Variants in PTPRT observed in about 807,000 individuals in gnomAD.
The protein encoded by PTPRT is protein tyrosine phosphatase receptor type T.
In PTPRT, 56 loss-of-function variants were observed where a neutral mutation model predicts 176.8. The ratio of observed to expected loss-of-function variants is 0.32; its 90% CI spans 0.26 to 0.40. The LOEUF (loss-of-function observed/expected upper bound fraction) is 0.40. Among genes scored for constraint, PTPRT ranks in the 10% least tolerant of loss-of-function variants. The pLI, the probability that PTPRT is intolerant of heterozygous loss-of-function variation, is 1.00. For synonymous variants in PTPRT, 783 were observed against 739.0 expected (o/e 1.06, Z -0.96); for missense variants, 1,540 against 1,908.2 (o/e 0.81, Z 3.60).
chr20:42,276,750 A>G (rs951874045), intron 13 of PTPRT, among the ~76,000 whole-genome samples: 1 of 150,966 alleles, frequency 6.6e-6, no homozygotes, highest in African/African-American at 2.4e-5. Context: ...ATAAAACAGA[A>G]TCTTCCACAT....
chr20:42,600,339 C>T (rs2073755712), intron 7 of PTPRT, among the ~76,000 whole-genome samples: 1 of 152,110 alleles, frequency 6.6e-6, no homozygotes, highest in Admixed American at 6.6e-5. Flanking sequence ...GGGGTTTCAC[C>T]GCGTTGGCGA....
intron 3 of PTPRT, 94 bp downstream of exon 3, chr20:42,791,101 G>A: frequency 7.0e-7 from 1 of 1,436,680 alleles, no homozygotes; most frequent in Non-Finnish European, 9.3e-7. Context: ...GTGAATAAAT[G>A]AAGTCCTTTC....
At chr20:42,990,523 T>C (rs773206925) in intron 1 of PTPRT, among the ~76,000 whole-genome samples, 2 of 152,192 alleles carry the variant, frequency 1.3e-5, no homozygotes, top group Non-Finnish European at 2.9e-5. Context: ...AGAGCCATAG[T>C]GTATATCAAG....
At chr20:42,784,289 A>G (rs1266035275) in intron 3 of PTPRT, among the ~76,000 whole-genome samples, 6 of 152,212 alleles carry the variant, frequency 3.9e-5, no homozygotes, top group Non-Finnish European at 7.3e-5. Context: ...GTTTTAACCT[A>G]ATCTTTTATA....
At chr20:42,836,920 G>A (rs955213298) in intron 2 of PTPRT, among the ~76,000 whole-genome samples, 1 of 152,182 alleles carries the variant, frequency 6.6e-6, no homozygotes, top group Non-Finnish European at 1.5e-5. Context: ...TAAGGAAATT[G>A]AGGTACAGAA....
rs534185515 is a variant in PTPRT at position 42,283,332 on chromosome 20, G to C, written c.2140-807C>G. Among the ~76,000 whole-genome samples, 14 of 152,218 alleles carry C rather than the reference G, an allele frequency of 9.2e-5. No individual in the cohort carries two copies. The South Asian group carries it at 1.7e-3, about 18-fold the overall frequency. ...AACAGTCTGAATTCAGTGTAGCAAGGAAAGTAAAATGCAAAGAATGCAAGT... is the reference window on the plus strand; with the variant it reads ...AACAGTCTGAATTCAGTGTAGCAAGCAAAGTAAAATGCAAAGAATGCAAGT... On this transcript the variant is annotated intron_variant, in intron 12 of 30. Transcript: ENST00000373187.
chr20:42,669,257 G>T (rs1164833222), intron 7 of PTPRT, among the ~76,000 whole-genome samples: 2 of 152,098 alleles, frequency 1.3e-5, no homozygotes. Flanking sequence ...AGGTTCACCT[G>T]CACTGCACAA....
chr20:43,021,901 G>A lies in PTPRT; in HGVS notation c.89-135969C>T, dbSNP rs1985698819. Among the ~76,000 whole-genome samples the A allele has an allele frequency of 3.3e-5, 5 of 151,622 alleles. No homozygotes were observed. In the South Asian group the frequency reaches 1.0e-3, roughly 32 times the overall value. ...AATTCTCTATCCACATAGTGTCCCT[G>A]TTGTCACAGATGACTCTCCACCTTT... is the stretch of plus-strand genomic sequence containing the variant. On this transcript the variant is annotated intron_variant, in intron 1 of 30. Transcript: ENST00000373187.
intron 3 of PTPRT, among the ~76,000 whole-genome samples, chr20:42,789,974 G>A (rs1398837093): frequency 1.3e-5 from 2 of 152,176 alleles, no homozygotes; most frequent in Admixed American, 6.5e-5. Flanking sequence ...TTCATCTTCT[G>A]CTTCAGATGC....
At chr20:42,440,603 G>A (rs965545644) in intron 9 of PTPRT, among the ~76,000 whole-genome samples, 6 of 151,210 alleles carry the variant, frequency 4.0e-5, no homozygotes, top group South Asian at 2.1e-4. Context: ...TCAGCCTCCC[G>A]AGTAGCTGGG....
intron 1 of PTPRT, among the ~76,000 whole-genome samples, chr20:43,122,270 G>A (rs774395694): frequency 6.6e-6 from 1 of 152,168 alleles, no homozygotes; most frequent in Non-Finnish European, 1.5e-5. Context: ...TCCAGTGCCT[G>A]GCAGGTATCA....
chr20:42,353,376 T>C (rs2058314802), intron 9 of PTPRT, among the ~76,000 whole-genome samples: 1 of 152,192 alleles, frequency 6.6e-6, no homozygotes, highest in Non-Finnish European at 1.5e-5. Context: ...ATGGAGAAAC[T>C]GAGGTGCCAA....
chr20:42,279,411 A>G (rs545747193), intron 13 of PTPRT, among the ~76,000 whole-genome samples: 7 of 152,268 alleles, frequency 4.6e-5, no homozygotes, highest in African/African-American at 1.7e-4. Context: ...TTTGCCAGCA[A>G]ACCACCAGAA....
chr20:42,315,994 A>G lies in PTPRT; in HGVS notation c.1868T>C (p.Val623Ala), dbSNP rs1446905056. 2.5e-6 allele frequency: 4 copies of G among 1,613,904 alleles called. No individual in the cohort carries two copies. In the South Asian group the frequency reaches 4.4e-5, roughly 18 times the overall value. The change falls in exon 12 of 31, where the codon GTT (valine) becomes GCT (alanine). Residue 623 changes from valine (V) to alanine (A), a missense_variant and splice_region_variant. This residue lies in a region of PTPRT where 81 missense variants were observed against 89.9 expected (regional missense o/e 0.90). Coordinates refer to ENST00000373187, the MANE Select transcript of PTPRT (RefSeq NM_007050.6). ...PAQSRGAPVSVYQLVVKEERL... is the reference protein window; with the variant it reads ...PAQSRGAPVSAYQLVVKEERL... ...CTCCTCCTTGACAACCAGCTGATAA[A>G]CACTGGACAGGAAAGAGGAGACACA...
At chr20:42,161,794 T>C (rs1387435558) in intron 16 of PTPRT, among the ~76,000 whole-genome samples, 1 of 152,170 alleles carries the variant, frequency 6.6e-6, no homozygotes, top group Non-Finnish European at 1.5e-5. Context: ...AAGTTCCAGG[T>C]TGTTCATCAT....
At chr20:42,274,576 T>TGG in intron 13 of PTPRT, among the ~76,000 whole-genome samples, 1 of 148,896 alleles carries the variant, frequency 6.7e-6, no homozygotes, top group Non-Finnish European at 1.5e-5. Flanking sequence ...TGTGTGTGTG[T>TGG]GTGTGTGTGT....
In PTPRT at chr20:42,315,059, C is replaced by G. The variant is rs1171114514; in HGVS notation, c.2139+664G>C. Among the ~76,000 whole-genome samples, 10 of 152,102 alleles carry G rather than the reference C, an allele frequency of 6.6e-5. No individual in the cohort carries two copies. The East Asian group carries it at 1.9e-3, about 29-fold the overall frequency. On this transcript the variant is annotated intron_variant, in intron 12 of 30. Coordinates refer to ENST00000373187, the MANE Select transcript of PTPRT (RefSeq NM_007050.6). ...TATTATGACTGGTGCCAATCCTTGA[C>G]CAAAGAAATATTTGACACAAAAATG... is the stretch of plus-strand genomic sequence containing the variant.
In PTPRT at chr20:42,073,176, C is replaced by T. The variant is rs1447585432; in HGVS notation, c.*7703G>A. On this transcript the variant is annotated 3_prime_UTR_variant, in exon 31 of 31. Transcript: ENST00000373187. ...GCCCAGTGGATGTGAAGATGTCAGC[C>T]TCCCTGGAGTTGAGCGGGAACCTTG... 2.1e-5 allele frequency: 4 copies of T among 194,816 alleles called. 1 individual carries two copies. The highest frequency in any genetic ancestry group is 2.3e-5 in the African/African-American group (1 of 43,180). 12.1% of individuals were successfully genotyped at this position (194,816 alleles called of 1,614,324 possible).
chr20:42,330,043 G>T (rs2057945682), intron 11 of PTPRT, among the ~76,000 whole-genome samples: 1 of 152,194 alleles, frequency 6.6e-6, no homozygotes, highest in Non-Finnish European at 1.5e-5. Flanking sequence ...GCTGGGCATT[G>T]TTGACTATTC....
Sources: gnomAD v4.1 joint callset for allele counts (sites outside exome capture counted in the v4.1 genomes callset) on GRCh38, gnomAD v4.1.1 for gene constraint, gnomAD v4.1.1 regional missense constraint, MANE v1.5 for transcripts, NCBI Gene and HGNC (gene_info 2026-07-23, HGNC 2026-07-21) for gene names.